ABCC9: variants seen among roughly 807,000 people sequenced by gnomAD.
ABCC9 encodes the protein ATP-binding cassette sub-family C member 9.
In ABCC9, 95 loss-of-function variants were observed where a neutral mutation model predicts 188.3. That is an observed-to-expected ratio of 0.50 (90% CI 0.43 to 0.60). The LOEUF is 0.60. Among genes scored for constraint, ABCC9 ranks in the 20% least tolerant of loss-of-function variants. ABCC9 has a pLI of 0.00. For synonymous variants in ABCC9, 659 were observed against 652.7 expected, an observed-to-expected ratio of 1.01 and a Z score of -0.15; for missense variants, 1,102 against 1,876.3, an observed-to-expected ratio of 0.59 and a Z score of 7.62.
chr12:21,860,007 A>C (rs1419993414), intron 21 of ABCC9, among the ~76,000 whole-genome samples: 1 of 152,166 alleles, frequency 6.6e-6, no homozygotes, highest in Non-Finnish European at 1.5e-5. Flanking sequence ...TTTACTTAAC[A>C]TACAACCCAA....
chr12:21,907,556 G>T lies in ABCC9; in HGVS notation c.1455+521C>A, dbSNP rs527983959. Among the ~76,000 whole-genome samples, 3 of 152,092 alleles carry T rather than the reference G, an allele frequency of 2.0e-5. No homozygotes were observed. In the South Asian group the frequency reaches 6.2e-4, roughly 32 times the overall value. ...TCATGGCAAATTGAAGCCAGAAAAGGTCAATAATTGGGCTTTTTCTTGCTT... is the reference window on the plus strand; with the variant it reads ...TCATGGCAAATTGAAGCCAGAAAAGTTCAATAATTGGGCTTTTTCTTGCTT... On this transcript the variant is annotated intron_variant, in intron 11 of 39. Transcript: ENST00000261200.
At chr12:21,802,130 G>A (rs1399170407) in intron 39 of ABCC9, among the ~76,000 whole-genome samples, 1 of 152,028 alleles carries the variant, frequency 6.6e-6, no homozygotes, top group Admixed American at 6.6e-5. Flanking sequence ...CCACCTGTTA[G>A]TAGTGCAATC....
intron 7 of ABCC9, among the ~76,000 whole-genome samples, 154 bp downstream of exon 7, chr12:21,915,514 A>ATATATTTTTTTTTTT: frequency 1.4e-3 from 5 of 3,522 alleles, no homozygotes; most frequent in African/African-American, 3.2e-3. Context: ...ATATATATAT[A>ATATATTTTTTTTTTT]TTTTTTTTTT....
intron 22 of ABCC9, among the ~76,000 whole-genome samples, chr12:21,853,243 G>A (rs1479731921): frequency 1.4e-4 from 22 of 152,134 alleles, no homozygotes; most frequent in Non-Finnish European, 2.9e-5. Context: ...GAACCCAGGA[G>A]GAAGAGGTTC....
At chr12:21,826,296 A>C (rs1943374522) in intron 31 of ABCC9, among the ~76,000 whole-genome samples, 1 of 152,142 alleles carries the variant, frequency 6.6e-6, no homozygotes, top group Non-Finnish European at 1.5e-5. Flanking sequence ...GGCAGAATAC[A>C]GAATATATCC....
chr12:21,904,800 G>A (rs1487330445), intron 12 of ABCC9, among the ~76,000 whole-genome samples: 1 of 152,208 alleles, frequency 6.6e-6, no homozygotes, highest in Non-Finnish European at 1.5e-5. Flanking sequence ...AGAGGATGTG[G>A]AGAAATAGGA....
chr12:21,931,360 T>C (rs968684888), intron 4 of ABCC9, among the ~76,000 whole-genome samples: 2 of 151,634 alleles, frequency 1.3e-5, no homozygotes, highest in African/African-American at 4.9e-5. Context: ...TCCCCAGCCA[T>C]GTGGAATTAT....
chr12:21,895,345 C>G (rs774633456), intron 12 of ABCC9, 30 bp from the exon 13 acceptor site: 2 of 1,592,950 alleles, frequency 1.3e-6, no homozygotes, highest in Admixed American at 1.7e-5. Flanking sequence ...GCATTAGTTT[C>G]ATTGAACTGT....
chr12:21,829,979 C>G (rs1943663396), intron 30 of ABCC9, among the ~76,000 whole-genome samples: 1 of 151,996 alleles, frequency 6.6e-6, no homozygotes, highest in African/African-American at 2.4e-5. Flanking sequence ...ACGGCAAATG[C>G]TCTACACCCC....
intron 31 of ABCC9, among the ~76,000 whole-genome samples, chr12:21,821,767 G>A (rs564786173): frequency 6.1e-4 from 93 of 152,194 alleles, no homozygotes; most frequent in African/African-American, 1.9e-3. Context: ...GAATTAAAAT[G>A]ATAATTCTGG....
intron 12 of ABCC9, among the ~76,000 whole-genome samples, chr12:21,900,732 A>T (rs998934950): frequency 6.6e-6 from 1 of 152,218 alleles, no homozygotes; most frequent in African/African-American, 2.4e-5. Context: ...CAAATGAATG[A>T]AATGAAGTGA....
At position 21,922,858 on chromosome 12, in the gene ABCC9, T is replaced by G. The variant is rs150299644; in HGVS notation, c.406+3084A>C. ...AAACTTCGGAGGAAAACAAAGAAAA[T>G]GTTGTGTGACTTATAATTTATGACT... On this transcript the variant is annotated intron_variant, in intron 5 of 39. Transcript: ENST00000261200. 530 of 139,090 alleles carry G rather than the reference T, an allele frequency of 3.8e-3. 2 individuals are homozygous for G. Among genetic ancestry groups the G allele is most frequent in the African/African-American group, 0.014 (516 of 36,904 alleles). The allele number at this position is 139,090 out of a possible 1,614,324, so 8.6% of individuals were successfully genotyped here.
At chr12:21,914,123 C>T (rs1467203049) in intron 7 of ABCC9, among the ~76,000 whole-genome samples, 1 of 152,114 alleles carries the variant, frequency 6.6e-6, no homozygotes, top group Non-Finnish European at 1.5e-5. Context: ...ATTTCTGACA[C>T]AAAACAGAGA....
intron 3 of ABCC9, among the ~76,000 whole-genome samples, chr12:21,935,140 C>T (rs2138068681): frequency 6.6e-6 from 1 of 152,134 alleles, no homozygotes. Flanking sequence ...TTGCTGGATG[C>T]TAGGGATACA....
At chr12:21,927,718 C>CT (rs1353913905) in intron 4 of ABCC9, among the ~76,000 whole-genome samples, 2 of 152,028 alleles carry the variant, frequency 1.3e-5, no homozygotes, top group African/African-American at 4.8e-5. Flanking sequence ...ATTTAAGTGT[C>CT]TGTAGACATT....
At chr12:21,885,653 T>C (rs1946837831) in intron 15 of ABCC9, among the ~76,000 whole-genome samples, 1 of 152,184 alleles carries the variant, frequency 6.6e-6, no homozygotes, top group Admixed American at 6.5e-5. Context: ...TTTTTGTCTT[T>C]GTGTCCATGT....
At chr12:21,882,125 T>A (rs1946654548) in intron 16 of ABCC9, among the ~76,000 whole-genome samples, 1 of 152,174 alleles carries the variant, frequency 6.6e-6, no homozygotes, top group Non-Finnish European at 1.5e-5. Context: ...GAGAATTGGA[T>A]ATCCTCCAGT....
At chr12:21,896,771 C>T (rs1592173880) in intron 12 of ABCC9, among the ~76,000 whole-genome samples, 1 of 152,160 alleles carries the variant, frequency 6.6e-6, no homozygotes, top group African/African-American at 2.4e-5. Flanking sequence ...TTTATGGCTG[C>T]ATAGTATTCC....
rs532834803 is a variant in ABCC9, at chr12:21,815,968, T to TA, written c.3893-76dup. On this transcript the variant is annotated intron_variant, in intron 33 of 39. Transcript: ENST00000261200. ...ATGTAGAAAGAAATGTATACATACT[T>TA]AAATACATTTATACATATATATATA... 1.1e-3 allele frequency: 1,202 copies of TA among 1,127,508 alleles called. 10 individuals are homozygous for TA. In the African/African-American group the frequency reaches 0.018, roughly 17 times the overall value. The allele number at this position is 1,127,508 out of a possible 1,614,324, so 69.8% of individuals were successfully genotyped here.
Sources: gnomAD v4.1 joint callset for allele counts (sites outside exome capture counted in the v4.1 genomes callset) on GRCh38, gnomAD v4.1.1 for gene constraint, MANE v1.5 for transcripts, NCBI Gene and HGNC (gene_info 2026-07-23, HGNC 2026-07-21) for gene names.